Variants in GNA14 observed in about 807,000 individuals in gnomAD.
GNA14 encodes G protein subunit alpha 14.
A neutral mutation model predicts 42.0 loss-of-function variants in GNA14; 50 were observed. That is an observed-to-expected ratio of 1.19 (90% confidence interval 0.95 to 1.51). The LOEUF (loss-of-function observed/expected upper bound fraction) is 1.51, where lower values mean the gene tolerates loss of function less well. GNA14 is among the 40% of genes most tolerant of loss of function. The pLI is 0.00. For missense variants in GNA14, 473 were observed against 446.2 expected (o/e 1.06, Z -0.54); for synonymous variants, 173 against 163.1 (o/e 1.06, Z -0.46).
At chr9:77,551,531 C>T (rs926177460) in intron 1 of GNA14, among the ~76,000 whole-genome samples, 1 of 151,346 alleles carries the variant, frequency 6.6e-6, no homozygotes, top group Non-Finnish European at 1.5e-5. Flanking sequence ...TTCAAGTGAC[C>T]CCAAATCACT....
chr9:77,640,568 G>T (rs1023208848), intron 1 of GNA14, among the ~76,000 whole-genome samples: 1 of 152,098 alleles, frequency 6.6e-6, no homozygotes, highest in African/African-American at 2.4e-5. Flanking sequence ...TCCACTGTCA[G>T]ATTTTTCCAC....
intron 1 of GNA14, among the ~76,000 whole-genome samples, chr9:77,606,694 T>C (rs973493069): frequency 1.4e-4 from 21 of 152,078 alleles, no homozygotes; most frequent in African/African-American, 4.8e-4. Context: ...GTTTTGTGGA[T>C]TGTTGTGAAA....
In GNA14 at chr9:77,434,415, C is replaced by T. The variant is rs1261986264; in HGVS notation, c.417G>A (p.Glu139=). 3 of 1,614,054 alleles carry T rather than the reference C, an allele frequency of 1.9e-6. No individual in the cohort carries two copies. Among genetic ancestry groups the T allele is most frequent in the Non-Finnish European group, 1.7e-6 (2 of 1,180,010 alleles). ...GGTACTCCCTCCTCCTGTCGTAACA[C>T]TCCTGGATGCCTGGATCTTGCCAGA... ...KQLWQDPGIQ[E]CYDRRREYQL... is the part of the protein sequence containing the mutation. The change falls in exon 3 of 7, where the codon GAG becomes GAA. Residue 139 remains glutamate, a synonymous_variant. Transcript: ENST00000341700.
intron 1 of GNA14, among the ~76,000 whole-genome samples, chr9:77,634,405 C>T (rs1198389152): frequency 2.3e-5 from 3 of 130,942 alleles, no homozygotes; most frequent in Non-Finnish European, 4.7e-5. Context: ...GAGTGAGACC[C>T]TGTCTCAAAA....
At chr9:77,496,833 T>C (rs867791925) in intron 2 of GNA14, among the ~76,000 whole-genome samples, 20 of 152,226 alleles carry the variant, frequency 1.3e-4, no homozygotes, top group African/African-American at 4.8e-4. Context: ...TGGTATGCTT[T>C]GTGTTTTTAA....
chr9:77,522,671 A>AT (rs1168867613), intron 2 of GNA14, among the ~76,000 whole-genome samples: 17 of 152,142 alleles, frequency 1.1e-4, no homozygotes, highest in Non-Finnish European at 2.2e-4. Context: ...CCTGGGAGGG[A>AT]CCTAAAACTC....
intron 1 of GNA14, among the ~76,000 whole-genome samples, chr9:77,639,730 C>T (rs1392668104): frequency 1.3e-5 from 2 of 152,190 alleles, no homozygotes; most frequent in Non-Finnish European, 2.9e-5. Context: ...TAAATCCTGC[C>T]CTTTTGCGGA....
intron 1 of GNA14, among the ~76,000 whole-genome samples, chr9:77,542,215 T>G (rs1339093126): frequency 1.3e-5 from 2 of 152,172 alleles, no homozygotes; most frequent in Non-Finnish European, 2.9e-5. Context: ...TACATCTACT[T>G]TTTTGTGACG....
In GNA14 at chr9:77,490,898, C is replaced by T. The variant is rs538748968; in HGVS notation, c.309+38171G>A. Among the ~76,000 whole-genome samples, 11 of 152,336 alleles carry T rather than the reference C, an allele frequency of 7.2e-5. No homozygotes were observed. In the South Asian group the frequency reaches 1.0e-3, roughly 14 times the overall value. ...GTGGTAGCCCAGGCAGAGGAGGCGC[C>T]GAGAGCGAGCAAGGGCTGTGAGGAC... On this transcript the variant is annotated intron_variant, in intron 2 of 6. Transcript: ENST00000341700.
chr9:77,457,356 G>A (rs888218797), intron 2 of GNA14, among the ~76,000 whole-genome samples: 3 of 152,176 alleles, frequency 2.0e-5, no homozygotes, highest in African/African-American at 4.8e-5. Context: ...CTATAAATTC[G>A]AATTTTATTA....
intron 1 of GNA14, among the ~76,000 whole-genome samples, chr9:77,608,673 T>C (rs1823676971): frequency 1.3e-5 from 2 of 151,242 alleles, no homozygotes; most frequent in South Asian, 4.2e-4. Flanking sequence ...AGATAAAGCA[T>C]GTTCACAGCC....
chr9:77,634,361 T>C (rs1824144662), intron 1 of GNA14, among the ~76,000 whole-genome samples: 2 of 148,476 alleles, frequency 1.3e-5, no homozygotes, highest in Non-Finnish European at 3.0e-5. Flanking sequence ...GAGACAGAAG[T>C]TGATCACACC....
chr9:77,435,603 C>T (rs926791025), intron 2 of GNA14, among the ~76,000 whole-genome samples: 1 of 152,070 alleles, frequency 6.6e-6, no homozygotes, highest in East Asian at 1.9e-4. Context: ...TCTATTACTA[C>T]AGTAATTAAG....
intron 1 of GNA14, among the ~76,000 whole-genome samples, chr9:77,603,752 T>A (rs1823604441): frequency 6.6e-6 from 1 of 151,650 alleles, no homozygotes; most frequent in South Asian, 2.1e-4. Flanking sequence ...GATCACGAGG[T>A]CAGGAGATTG....
At chr9:77,469,365 T>TA (rs10537760) in intron 2 of GNA14, among the ~76,000 whole-genome samples, 3,324 of 116,838 alleles carry the variant, frequency 0.028, 46 homozygotes, top group South Asian at 0.047. Flanking sequence ...TAAACTGTGT[T>TA]AAAAAAAAAA....
At chr9:77,493,346 T>C (rs1259462629) in intron 2 of GNA14, among the ~76,000 whole-genome samples, 2 of 152,136 alleles carry the variant, frequency 1.3e-5, no homozygotes, top group Non-Finnish European at 2.9e-5. Context: ...CTTATCTTCC[T>C]TTTTTGTTAA....
chr9:77,620,574 C>G (rs1000962454), intron 1 of GNA14, among the ~76,000 whole-genome samples: 1 of 152,106 alleles, frequency 6.6e-6, no homozygotes, highest in Non-Finnish European at 1.5e-5. Context: ...CATTGCTGGG[C>G]GTGGTGGCTC....
chr9:77,565,503 T>C (rs1485918424), intron 1 of GNA14, among the ~76,000 whole-genome samples: 1 of 152,174 alleles, frequency 6.6e-6, no homozygotes, highest in East Asian at 1.9e-4. Context: ...TGTTGCCCAG[T>C]CTGGAGTGCA....
chr9:77,599,727 C>T (rs569269355), intron 1 of GNA14, among the ~76,000 whole-genome samples: 6 of 152,228 alleles, frequency 3.9e-5, no homozygotes, highest in Admixed American at 6.5e-5. Context: ...GCTGACATGC[C>T]GTCGGGCCTC....
Sources: gnomAD v4.1 joint callset for allele counts (sites outside exome capture counted in the v4.1 genomes callset) on GRCh38, gnomAD v4.1.1 for gene constraint, MANE v1.5 for transcripts, NCBI Gene and HGNC (gene_info 2026-07-23, HGNC 2026-07-21) for gene names.